The following ALG1L2 variants were observed in gnomAD, a reference collection of about 807,000 sequenced individuals.
The protein encoded by ALG1L2 is ALG1 chitobiosyldiphosphodolichol beta-mannosyltransferase like 2.
In ALG1L2, 32 loss-of-function variants were observed where a neutral mutation model predicts 29.0. The observed-to-expected ratio is 1.10, with a 90% CI of 0.83 to 1.48. ALG1L2 has a LOEUF of 1.48. Ranked by LOEUF, ALG1L2 falls within the 40% of genes most tolerant of loss-of-function variation. The pLI, the probability that ALG1L2 is intolerant of heterozygous loss-of-function variation, is 0.00. For synonymous variants in ALG1L2, 110 were observed against 109.5 expected (o/e 1.00, Z -0.03); for missense variants, 318 against 274.1 (o/e 1.16, Z -1.13).
At position 130,098,205 on chromosome 3, in the gene ALG1L2, G is replaced by T. The variant is rs1935187806; in HGVS notation, c.616-18G>T. The T allele has an allele frequency of 1.3e-6, 2 of 1,596,370 alleles. No homozygotes were observed. Among genetic ancestry groups the T allele is most frequent in the Non-Finnish European group, 1.7e-6 (2 of 1,179,738 alleles). On this transcript the variant is annotated intron_variant, in intron 7 of 7. Transcript: ENST00000425059. Reference sequence around the variant, plus strand: ...GGATGGGGTGGGGACAGGCAATGAGGTAAGCTCTGCTCTTCAGTATTTTGC... The same window carrying T: ...GGATGGGGTGGGGACAGGCAATGAGTTAAGCTCTGCTCTTCAGTATTTTGC...
At position 130,094,289 on chromosome 3, in the gene ALG1L2, G is replaced by A. The variant is rs1935082924; in HGVS notation, c.314-114G>A. 37 of 1,352,204 alleles carry A rather than the reference G, an allele frequency of 2.7e-5. No homozygotes were observed. In the Admixed American group the frequency reaches 3.9e-4, roughly 14 times the overall value. The allele number at this position is 1,352,204 out of a possible 1,614,324, so 83.8% of individuals were successfully genotyped here. On this transcript the variant is annotated intron_variant, in intron 4 of 7. Coordinates refer to ENST00000425059, the MANE Select transcript of ALG1L2 (RefSeq NM_001136152.1). ...CAGATAGGGCCTGACTGCAGCTGCC[G>A]AGGGGTGGAGCTTCTGGGAAAAGGA...
At chr3:130,082,831 G>T (rs1344428935) in intron 1 of ALG1L2, among the ~76,000 whole-genome samples, 1 of 146,494 alleles carries the variant, frequency 6.8e-6, no homozygotes, top group Non-Finnish European at 1.5e-5. Context: ...TGAGCATAAG[G>T]GAAGCCTACT....
At chr3:130,094,009 G>A in intron 4 of ALG1L2, 1 of 286,342 alleles carries the variant, frequency 3.5e-6, no homozygotes, top group Non-Finnish European at 6.8e-6. Flanking sequence ...GCTGTGGCAG[G>A]GCAGGGGCGG....
rs1935195699 is a variant in ALG1L2 at position 130,098,375 on chromosome 3, A to G, written c.*120A>G. 3.1e-6 allele frequency: 5 copies of G among 1,595,946 alleles called. No homozygotes were observed. Among genetic ancestry groups the G allele is most frequent in the Middle Eastern group, 2.3e-4 (1 of 4,428 alleles). On this transcript the variant is annotated 3_prime_UTR_variant, in exon 8 of 8. Transcript: ENST00000425059. Reference sequence around the variant, plus strand: ...GTTATGGACACATAACTCCTGGGCCAGAGGCTAAAACCCCAGGGCCCCTGC... The same window carrying G: ...GTTATGGACACATAACTCCTGGGCCGGAGGCTAAAACCCCAGGGCCCCTGC...
In ALG1L2 at chr3:130,094,463, T is replaced by C; in HGVS notation, c.374T>C (p.Ile125Thr). 6.3e-7 allele frequency: 1 copy of C among 1,595,556 alleles called. No individual in the cohort carries two copies. The highest frequency in any genetic ancestry group is 2.2e-5 in the East Asian group (1 of 44,802). The change falls in exon 5 of 8, where the codon ATC becomes ACC. Residue 125 changes from isoleucine to threonine, a missense_variant. Physicochemically the swap from Ile to Thr is moderately conservative, Grantham distance 89 (BLOSUM62 -1). Coordinates refer to ENST00000425059, the MANE Select transcript of ALG1L2 (RefSeq NM_001136152.1). ...RLIHQKHFQH[I>T]QVCIPWLEGR... ...ATCCACCAGAAGCATTTCCAGCACA[T>C]CCAGGTCTGCATCCCCTGGCTGGAG...
intron 5 of ALG1L2, among the ~76,000 whole-genome samples, 168 bp downstream of exon 5, chr3:130,094,681 C>A (rs1935093203): frequency 6.6e-6 from 1 of 152,204 alleles, no homozygotes; most frequent in Non-Finnish European, 1.5e-5. Flanking sequence ...TGTGCCAGCC[C>A]CTCCCTGCCA....
At chr3:130,092,056 G>C (rs1331287042) in intron 2 of ALG1L2, 45 bp from the exon 3 acceptor site, 1 of 1,606,538 alleles carries the variant, frequency 6.2e-7, no homozygotes, top group Non-Finnish European at 8.5e-7. Flanking sequence ...CTGGGTCCTG[G>C]GCCTGCTCTG....
rs772933598 is a variant in ALG1L2, at chr3:130,091,381, C to T, written c.131+10C>T. On this transcript the variant is annotated intron_variant, in intron 2 of 7. Coordinates refer to ENST00000425059, the MANE Select transcript of ALG1L2 (RefSeq NM_001136152.1). ...CTCCGTTCAGGGCCCGGTAGGCCTC[C>T]CACCCTCAGCTGCCTTCTCTCCTGC... 5 of 1,595,168 alleles carry T rather than the reference C, an allele frequency of 3.1e-6. No individual in the cohort carries two copies. Among genetic ancestry groups the T allele is most frequent in the Non-Finnish European group, 3.4e-6 (4 of 1,178,788 alleles).
At position 130,081,941 on chromosome 3, in the gene ALG1L2, G is replaced by A; in HGVS notation, c.-76G>A. The A allele has an allele frequency of 1.4e-6, 2 of 1,395,124 alleles. No individual in the cohort carries two copies. Among genetic ancestry groups the A allele is most frequent in the Non-Finnish European group, 2.0e-6 (2 of 1,006,638 alleles). The allele number at this position is 1,395,124 out of a possible 1,614,324, so 86.4% of individuals were successfully genotyped here. A position where few individuals can be genotyped will look rare whatever the true frequency, so the allele number is the denominator to read the frequency against. ...CCAGGATCAGCAGAGCTCGATTGTA[G>A]GGTGTGAGGCTGTCACAGAGGCTGG... On this transcript the variant is annotated 5_prime_UTR_variant, in exon 1 of 8. Transcript: ENST00000425059.
intron 5 of ALG1L2, among the ~76,000 whole-genome samples, chr3:130,095,819 C>T (rs1023376868): frequency 1.3e-5 from 2 of 152,124 alleles, no homozygotes; most frequent in African/African-American, 4.8e-5. Context: ...CAAAACAAAA[C>T]AACAAAAAAA....
intron 6 of ALG1L2, among the ~76,000 whole-genome samples, chr3:130,096,560 CAT>C (rs1935139028): frequency 6.6e-6 from 1 of 152,156 alleles, no homozygotes; most frequent in South Asian, 2.1e-4. Flanking sequence ...TCTCTCCCAC[CAT>C]GTCCCTTTTG....
chr3:130,097,322 C>T lies in ALG1L2; in HGVS notation c.615+72C>T, dbSNP rs1223313186. The T allele has an allele frequency of 1.1e-5, 18 of 1,578,302 alleles. No individual in the cohort carries two copies. The South Asian group carries it at 1.5e-4, about 13-fold the overall frequency. ...TGGCACCGAGCCATGCTCCCTGATCCCTGTTTCACACAGCCAGGGTGGGAC... is the reference window on the plus strand; with the variant it reads ...TGGCACCGAGCCATGCTCCCTGATCTCTGTTTCACACAGCCAGGGTGGGAC... On this transcript the variant is annotated intron_variant, in intron 7 of 7. Coordinates refer to ENST00000425059, the MANE Select transcript of ALG1L2 (RefSeq NM_001136152.1).
rs371998751 is a variant in ALG1L2, at chr3:130,091,773, A to T, written c.132-328A>T. The T allele has an allele frequency of 6.8e-4, 413 of 605,492 alleles. 7 individuals carry two copies. Among genetic ancestry groups the T allele is most frequent in the South Asian group, 5.7e-3 (375 of 65,438 alleles). The allele number at this position is 605,492 out of a possible 1,614,324, so 37.5% of individuals were successfully genotyped here. On this transcript the variant is annotated intron_variant, in intron 2 of 7. Coordinates refer to ENST00000425059, the MANE Select transcript of ALG1L2 (RefSeq NM_001136152.1). ...GGAAGGGAACTTTGTGCAGGTCCAC[A>T]TACCCTGAGGTGTGCCCCTGGGTAA...
intron 7 of ALG1L2, among the ~76,000 whole-genome samples, chr3:130,097,812 T>C (rs1055939159): frequency 1.3e-5 from 2 of 152,168 alleles, no homozygotes; most frequent in Admixed American, 6.5e-5. Flanking sequence ...CCAATAAAGC[T>C]TTATTTACAA....
intron 1 of ALG1L2, among the ~76,000 whole-genome samples, chr3:130,090,313 C>T (rs1577327270): frequency 6.6e-6 from 1 of 152,294 alleles, no homozygotes. Context: ...TGAGATTGCA[C>T]CAAGGCGCTC....
chr3:130,093,124 G>C lies in ALG1L2; in HGVS notation c.277G>C (p.Gly93Arg), dbSNP rs757730456. 1 of 1,610,670 alleles carries C rather than the reference G, an allele frequency of 6.2e-7. No individual in the cohort carries two copies. The highest frequency in any genetic ancestry group is 8.5e-7 in the Non-Finnish European group (1 of 1,179,426). The change falls in exon 4 of 8, where the codon GGA (glycine) becomes CGA (arginine). Residue 93 changes from glycine (G) to arginine (R), a missense_variant. Gly to Arg is a moderately radical substitution (Grantham distance 125, BLOSUM62 -2). Coordinates refer to ENST00000425059, the MANE Select transcript of ALG1L2 (RefSeq NM_001136152.1). ...AGAGTTTGAACAACTGACTCTTGACGGACAGAACCTTCCTTCTCTCGTCTG... is the reference window on the plus strand; with the variant it reads ...AGAGTTTGAACAACTGACTCTTGACCGACAGAACCTTCCTTCTCTCGTCTG... The part of the protein sequence containing the change: ...WTEFEQLTLD[G>R]QNLPSLVCVI...
In ALG1L2 at chr3:130,094,199, A is replaced by C; in HGVS notation, c.314-204A>C. ...GCTGGTTGCAGGTGCAGGGCTATGC[A>C]TCAGGGGTCAGGGTGCACATACCCC... On this transcript the variant is annotated intron_variant, in intron 4 of 7. Transcript: ENST00000425059. 4 of 622,606 alleles carry C rather than the reference A, an allele frequency of 6.4e-6. No homozygotes were observed. The South Asian group carries it at 7.6e-5, about 12-fold the overall frequency. 38.6% of individuals were successfully genotyped at this position (622,606 alleles called of 1,614,324 possible).
At chr3:130,096,369 C>T (rs9758068) in intron 6 of ALG1L2, among the ~76,000 whole-genome samples, 99,737 of 151,330 alleles carry the variant, frequency 0.66, 33,697 homozygotes, top group Middle Eastern at 0.78. Context: ...GCTCATGTTA[C>T]ATTTAGGTTG....
Position 130,093,142 on chromosome 3 carries a change from C to G in ALG1L2, c.295C>G (p.Leu99Val). 2 of 1,610,646 alleles carry G rather than the reference C, an allele frequency of 1.2e-6. No individual in the cohort carries two copies. The highest frequency in any genetic ancestry group is 1.7e-6 in the Non-Finnish European group (2 of 1,179,364). ...TCTTGACGGACAGAACCTTCCTTCT[C>G]TCGTCTGTGTGATAACAGGTACTGC... ...LTLDGQNLPS[L>V]VCVITGKGPL... Residue 99 changes from leucine (L) to valine (V), a missense_variant, in exon 4 of 8, where the codon CTC (leucine) becomes GTC (valine). By Grantham distance (32) the Leu-to-Val change is conservative. Transcript: ENST00000425059.
Sources: allele counts gnomAD v4.1 joint callset (sites outside exome capture counted in the v4.1 genomes callset), GRCh38; gene constraint gnomAD v4.1.1; transcripts MANE v1.5; gene names NCBI Gene and HGNC (gene_info 2026-07-23, HGNC 2026-07-21).